The following OTUD7B variants were observed in gnomAD, a reference collection of about 807,000 sequenced individuals.
OTUD7B encodes the protein OTU deubiquitinase 7B, also known as OTU domain-containing protein 7B.
In OTUD7B, 34 loss-of-function variants were observed where a neutral mutation model predicts 82.2. That is an observed-to-expected ratio of 0.41 (90% CI 0.31 to 0.55). OTUD7B has a LOEUF of 0.55. Among genes scored for constraint, OTUD7B ranks in the 20% least tolerant of loss-of-function variants. The pLI, the probability that OTUD7B is intolerant of heterozygous loss-of-function variation, is 0.20. For missense variants in OTUD7B, 944 were observed against 1,062.1 expected, an observed-to-expected ratio of 0.89 and a Z score of 1.55; for synonymous variants, 398 against 402.7, an observed-to-expected ratio of 0.99 and a Z score of 0.14.
chr1:149,976,883 G>A (rs587671436), intron 2 of OTUD7B, among the ~76,000 whole-genome samples: 5 of 152,214 alleles, frequency 3.3e-5, no homozygotes, highest in South Asian at 4.2e-4. Context: ...CACTTTGGGA[G>A]GCCGAGGCAG....
intron 2 of OTUD7B, among the ~76,000 whole-genome samples, chr1:149,975,475 G>A (rs1393194674): frequency 2.0e-5 from 3 of 152,236 alleles, no homozygotes; most frequent in African/African-American, 7.2e-5. Context: ...TATGGTGGTT[G>A]TGAGAATAAA....
the OTUD7B span, among the ~76,000 whole-genome samples, chr1:150,032,082 G>C: frequency 6.6e-6 from 1 of 151,800 alleles, no homozygotes; most frequent in Admixed American, 6.6e-5. Context: ...AGGCTGAGGC[G>C]GGTGGATCAC....
chr1:149,989,105 A>G (rs994625197), intron 1 of OTUD7B, among the ~76,000 whole-genome samples: 10 of 152,202 alleles, frequency 6.6e-5, no homozygotes, highest in African/African-American at 2.2e-4. Context: ...TCCACAGGAA[A>G]TTAATCCACT....
chr1:150,062,673 C>T, the OTUD7B span, among the ~76,000 whole-genome samples: 2 of 151,140 alleles, frequency 1.3e-5, no homozygotes, highest in African/African-American at 4.9e-5. Flanking sequence ...AAGGGGGAAA[C>T]CTGACATACA....
the OTUD7B span, among the ~76,000 whole-genome samples, chr1:150,033,773 G>A: frequency 1.3e-5 from 2 of 152,158 alleles, no homozygotes; most frequent in African/African-American, 4.8e-5. Context: ...CCAGACTGGA[G>A]TATAGTGGCG....
At chr1:149,970,328 T>A (rs192626254) in intron 3 of OTUD7B, among the ~76,000 whole-genome samples, 113 of 1,090 alleles carry the variant, frequency 0.1, 1 homozygote, top group East Asian at 0.38. Flanking sequence ...TTATTTATTT[T>A]TTTTTTTGTA....
At chr1:150,009,946 C>T (rs1257145164) in intron 1 of OTUD7B, among the ~76,000 whole-genome samples, 1 of 151,476 alleles carries the variant, frequency 6.6e-6, no homozygotes, top group Non-Finnish European at 1.5e-5. Flanking sequence ...CTCTCTCACA[C>T]ACACACACAA....
At chr1:150,024,868 T>G in the OTUD7B span, among the ~76,000 whole-genome samples, 1 of 150,602 alleles carries the variant, frequency 6.6e-6, no homozygotes, top group Non-Finnish European at 1.5e-5. Flanking sequence ...GCCAACATGG[T>G]GAAACCCCAT....
the OTUD7B span, chr1:150,053,992 T>C: frequency 1.6e-5 from 6 of 375,240 alleles, no homozygotes; most frequent in East Asian, 1.5e-4. Flanking sequence ...GGAAGCCCCA[T>C]TGCAGTCAAA....
intron 2 of OTUD7B, among the ~76,000 whole-genome samples, chr1:149,972,026 T>G (rs1391361417): frequency 6.6e-6 from 1 of 152,238 alleles, no homozygotes; most frequent in Non-Finnish European, 1.5e-5. Flanking sequence ...GTTGTGATCA[T>G]TTTAGTTCCA....
In OTUD7B at chr1:149,938,896, CACTCCAT is replaced by C. The variant is rs1553769802; in HGVS notation, c.*4954_*4960del. The C allele has an allele frequency of 2.1e-5, 3 of 140,692 alleles. No individual in the cohort carries two copies. Among genetic ancestry groups the C allele is most frequent in the Non-Finnish European group, 4.5e-5 (3 of 66,358 alleles). The allele number at this position is 140,692 out of a possible 1,614,324, so 8.7% of individuals were successfully genotyped here. A position where few individuals can be genotyped will look rare whatever the true frequency, so the allele number is the denominator to read the frequency against. On this transcript the variant is annotated 3_prime_UTR_variant, in exon 12 of 12. Transcript: ENST00000581312. ...GCAGTGAGCCGGGATCGCGCCATTG[CACTCCAT>C]CCTGGGCGACAAGAGCGAAACTCTG...
At chr1:150,023,420 A>C in the OTUD7B span, among the ~76,000 whole-genome samples, 2 of 152,222 alleles carry the variant, frequency 1.3e-5, no homozygotes, top group African/African-American at 4.8e-5. Context: ...CAGACACAGA[A>C]AATGTGGTAT....
At chr1:149,974,177 C>T (rs373949157) in intron 2 of OTUD7B, among the ~76,000 whole-genome samples, 3 of 152,050 alleles carry the variant, frequency 2.0e-5, no homozygotes, top group Non-Finnish European at 4.4e-5. Context: ...GCGATTCTCA[C>T]GCTTCAACCT....
At chr1:150,025,921 G>A in the OTUD7B span, among the ~76,000 whole-genome samples, 2 of 152,240 alleles carry the variant, frequency 1.3e-5, no homozygotes, top group African/African-American at 2.4e-5. Context: ...GAGACACAGA[G>A]CTCTGATAGT....
the OTUD7B span, among the ~76,000 whole-genome samples, chr1:150,033,862 C>T: frequency 1.2e-4 from 18 of 152,242 alleles, no homozygotes; most frequent in South Asian, 3.7e-3. Flanking sequence ...GCTGGGACTA[C>T]AGGTGTGCGC....
chr1:150,041,426 G>A, the OTUD7B span, among the ~76,000 whole-genome samples: 206 of 152,188 alleles, frequency 1.4e-3, 3 homozygotes, highest in East Asian at 0.03. Flanking sequence ...TCCGCCTCCC[G>A]CGTTCAAGCG....
chr1:149,971,900 C>T (rs1649964920), intron 2 of OTUD7B, among the ~76,000 whole-genome samples: 1 of 152,220 alleles, frequency 6.6e-6, no homozygotes, highest in Non-Finnish European at 1.5e-5. Context: ...TATAATTGCT[C>T]ACATTTCTTT....
intron 10 of OTUD7B, among the ~76,000 whole-genome samples, chr1:149,948,580 C>T (rs1404763639): frequency 2.6e-5 from 4 of 151,892 alleles, no homozygotes; most frequent in African/African-American, 9.7e-5. Flanking sequence ...CCATATTGGC[C>T]AGGCTTGTCT....
At chr1:150,029,528 AAGAATGAACTTACTGG>A in the OTUD7B span, among the ~76,000 whole-genome samples, 3 of 152,230 alleles carry the variant, frequency 2.0e-5, no homozygotes, top group Non-Finnish European at 2.9e-5. Context: ...GCAATAGCTC[AAGAATGAACTTACTGG>A]AGGGTCCAAG....
Sources: allele counts gnomAD v4.1 joint callset (sites outside exome capture counted in the v4.1 genomes callset), GRCh38; gene constraint gnomAD v4.1.1; transcripts MANE v1.5; gene names NCBI Gene and HGNC (gene_info 2026-07-23, HGNC 2026-07-21).